SMARCA1: variants seen among roughly 807,000 people sequenced by gnomAD.
SMARCA1 encodes SNF2 related chromatin remodeling ATPase 1.
Under a neutral mutation model 93.6 loss-of-function variants are expected in SMARCA1, and 17 were observed. The observed-to-expected ratio is 0.18, with a 90% CI of 0.12 to 0.27. The LOEUF is 0.27. SMARCA1 is among the 10% of genes least tolerant of loss of function. The pLI is 1.00. For synonymous variants in SMARCA1, 271 were observed against 271.4 expected, an observed-to-expected ratio of 1.00 and a Z score of 0.01; for missense variants, 630 against 819.0, an observed-to-expected ratio of 0.77 and a Z score of 2.82.
Position 129,450,649 on chromosome X carries a change from A to G in SMARCA1, c.3031-2206T>C, listed in dbSNP as rs779338835. Among the ~76,000 whole-genome samples, 21 of 111,988 alleles carry G rather than the reference A, an allele frequency of 1.9e-4. 1 individual carries two copies. Among genetic ancestry groups the G allele is most frequent in the Admixed American group, 1.6e-3 (17 of 10,500 alleles). On this transcript the variant is annotated intron_variant, in intron 23 of 24. Coordinates refer to ENST00000371121, the MANE Select transcript of SMARCA1 (RefSeq NM_001282874.2). ...ACTAAAATTTTGGTAATCTGGAAAC[A>G]GAATACACAGACACGTATTATTATT...
intron 13 of SMARCA1, among the ~76,000 whole-genome samples, chrX:129,492,544 A>C (rs1348998764): frequency 9.0e-6 from 1 of 111,495 alleles, no homozygotes; most frequent in Admixed American, 9.6e-5. Context: ...AAGATCAACC[A>C]ACAGAGAAAA....
chrX:129,459,898 C>T (rs1266331918), intron 23 of SMARCA1, among the ~76,000 whole-genome samples: 1 of 111,846 alleles, frequency 8.9e-6, no homozygotes, highest in Admixed American at 9.5e-5. Flanking sequence ...GCCTGTGATC[C>T]TGATACTTTG....
In SMARCA1 at chrX:129,465,889, T is replaced by G. The variant is rs762605373; in HGVS notation, c.2772A>C (p.Ala924=). 2.5e-6 allele frequency: 3 copies of G among 1,187,908 alleles called. No individual in the cohort carries two copies. The South Asian group carries it at 5.8e-5, about 23-fold the overall frequency. ...TGATACTGATCCTTCGTTGAATTCTTGCTTCTCCACGTTCAATTTGAGCCA... is the reference window on the plus strand; with the variant it reads ...TGATACTGATCCTTCGTTGAATTCTGGCTTCTCCACGTTCAATTTGAGCCA... ...KIMAQIERGE[A]RIQRRISIKK... Residue 924 remains alanine, a synonymous_variant, in exon 22 of 25, where the codon GCA becomes GCC. Coordinates refer to ENST00000371121, the MANE Select transcript of SMARCA1 (RefSeq NM_001282874.2).
At chrX:129,502,355 A>T (rs1934601253) in intron 9 of SMARCA1, among the ~76,000 whole-genome samples, 1 of 111,799 alleles carries the variant, frequency 8.9e-6, no homozygotes, top group Non-Finnish European at 1.9e-5. Context: ...AAAGCCCACG[A>T]AAGGGACTGA....
At chrX:129,516,174 T>C (rs968030809) in intron 3 of SMARCA1, among the ~76,000 whole-genome samples, 157 bp downstream of exon 3, 6 of 112,070 alleles carry the variant, frequency 5.4e-5, no homozygotes, top group African/African-American at 1.6e-4. Flanking sequence ...AAAAATATAG[T>C]TGTCTTCAAA....
intron 9 of SMARCA1, 29 bp from the exon 10 acceptor site, chrX:129,499,870 T>TC: frequency 1.4e-6 from 1 of 723,692 alleles, no homozygotes. Context: ...TATAAAAGTT[T>TC]ATGAAACATT....
intron 9 of SMARCA1, among the ~76,000 whole-genome samples, chrX:129,500,060 C>T (rs2124300483): frequency 1.0e-5 from 1 of 97,495 alleles, no homozygotes; most frequent in African/African-American, 4.1e-5. Flanking sequence ...CTTCATGGCA[C>T]AAAATACATG....
chrX:129,489,857 C>A (rs1350332177), intron 15 of SMARCA1, among the ~76,000 whole-genome samples: 4 of 112,181 alleles, frequency 3.6e-5, no homozygotes, highest in Non-Finnish European at 7.5e-5. Context: ...CCTCACCCAG[C>A]CTCAATTAGC....
At position 129,501,642 on chromosome X, in the gene SMARCA1, T is replaced by G. The variant is rs187699919; in HGVS notation, c.1168-1801A>C. Among the ~76,000 whole-genome samples, 294 of 100,116 alleles carry G rather than the reference T, an allele frequency of 2.9e-3. 1 individual carries two copies. Among genetic ancestry groups the G allele is most frequent in the African/African-American group, 0.011 (278 of 26,338 alleles). The allele number at this position is 100,116 out of a possible 115,157, so 86.9% of individuals were successfully genotyped here. A position where few individuals can be genotyped will look rare whatever the true frequency, so the allele number is the denominator to read the frequency against. On this transcript the variant is annotated intron_variant, in intron 9 of 24. Coordinates refer to ENST00000371121, the MANE Select transcript of SMARCA1 (RefSeq NM_001282874.2). The stretch of plus-strand genomic sequence containing the variant: ...GGAGGTGGGGTGGAAGGGGACAGAG[T>G]CTCACTCTGTCACCAGGCTGAAATG...
At position 129,516,434 on chromosome X, in the gene SMARCA1, T is replaced by C. The variant is rs1263811474; in HGVS notation, c.325A>G (p.Ile109Val). ...LKQTELFAHF[I>V]QPSAQKSPTS... Reference sequence around the variant, plus strand: ...GGAGATTTCTGTGCTGAAGGCTGAATGAAATGTGCAAAAAGTTCTGTCTGC... The same window carrying C: ...GGAGATTTCTGTGCTGAAGGCTGAACGAAATGTGCAAAAAGTTCTGTCTGC... The change falls in exon 3 of 25, where the codon ATT becomes GTT. Residue 109 changes from isoleucine to valine, a missense_variant. Ile to Val is a conservative substitution (Grantham distance 29). Around this residue, in one of 4 missense-constraint regions of SMARCA1, gnomAD observed 382 missense variants for 537.9 expected, o/e 0.71. Coordinates refer to ENST00000371121, the MANE Select transcript of SMARCA1 (RefSeq NM_001282874.2). The C allele has an allele frequency of 8.3e-7, 1 of 1,208,048 alleles. No homozygotes were observed. The highest frequency in any genetic ancestry group is 1.1e-6 in the Non-Finnish European group (1 of 893,597).
rs1197731039 is a variant in SMARCA1 at position 129,447,037 on chromosome X, T to C, written c.*125A>G. The C allele has an allele frequency of 2.0e-6, 1 of 503,092 alleles. No individual in the cohort carries two copies. Among genetic ancestry groups the C allele is most frequent in the Non-Finnish European group, 3.2e-6 (1 of 309,536 alleles). The allele number at this position is 503,092 out of a possible 1,213,427, so 41.5% of individuals were successfully genotyped here. A position where few individuals can be genotyped will look rare whatever the true frequency, so the allele number is the denominator to read the frequency against. ...AAAGCATTGTAAAATATATAAAATA[T>C]GCAAGAAATCAAAACCAAAGAGATT... On this transcript the variant is annotated 3_prime_UTR_variant, in exon 25 of 25. Coordinates refer to ENST00000371121, the MANE Select transcript of SMARCA1 (RefSeq NM_001282874.2).
intron 24 of SMARCA1, among the ~76,000 whole-genome samples, 187 bp downstream of exon 24, chrX:129,448,146 T>C (rs1201803308): frequency 8.9e-6 from 1 of 111,826 alleles, no homozygotes; most frequent in Non-Finnish European, 1.9e-5. Context: ...TTCCTAACCA[T>C]ATGTTCTACA....
chrX:129,463,234 G>T (rs1477128927), intron 23 of SMARCA1, among the ~76,000 whole-genome samples: 1 of 111,551 alleles, frequency 9.0e-6, no homozygotes, highest in Non-Finnish European at 1.9e-5. Flanking sequence ...GCTGTTAGTG[G>T]TGCTCTAAAT....
intron 21 of SMARCA1, among the ~76,000 whole-genome samples, chrX:129,468,121 C>T (rs1395591626): frequency 8.9e-6 from 1 of 112,793 alleles, no homozygotes; most frequent in East Asian, 2.8e-4. Flanking sequence ...CACGCTTCAT[C>T]TGTATCCTTT....
Position 129,448,338 on chromosome X carries a change from G to C in SMARCA1, c.3136C>G (p.Pro1046Ala). 8.3e-7 allele frequency: 1 copy of C among 1,203,790 alleles called. No homozygotes were observed. The highest frequency in any genetic ancestry group is 3.0e-5 in the East Asian group (1 of 33,753). ...AEKKKRATKT[P>A]MSQKRKAESA... ...GAAAATGCTGAAAATTTTACCATTG[G>C]AGTTTTAGTTGCCCGTTTCTTCTTT... is the stretch of plus-strand genomic sequence containing the variant. Residue 1046 changes from proline to alanine, a missense_variant, in exon 24 of 25, where the codon CCA becomes GCA. Coordinates refer to ENST00000371121, the MANE Select transcript of SMARCA1 (RefSeq NM_001282874.2).
intron 17 of SMARCA1, among the ~76,000 whole-genome samples, chrX:129,486,633 C>A (rs1933898799): frequency 9.0e-6 from 1 of 110,956 alleles, no homozygotes; most frequent in Non-Finnish European, 1.9e-5. Context: ...CTATTATAAC[C>A]TCCATTTGAT....
chrX:129,470,303 C>T lies in SMARCA1; in HGVS notation c.2565+901G>A, dbSNP rs919097710. Among the ~76,000 whole-genome samples, 66 of 110,252 alleles carry T rather than the reference C, an allele frequency of 6.0e-4. 1 individual carries two copies. Among genetic ancestry groups the T allele is most frequent in the Non-Finnish European group, 2.3e-4 (12 of 52,836 alleles). ...TTTTAGAAGTAGAACACTCGTAAAACTCATGATAGCAATAATGACTTAAAA... is the reference window on the plus strand; with the variant it reads ...TTTTAGAAGTAGAACACTCGTAAAATTCATGATAGCAATAATGACTTAAAA... On this transcript the variant is annotated intron_variant, in intron 20 of 24. Coordinates refer to ENST00000371121, the MANE Select transcript of SMARCA1 (RefSeq NM_001282874.2).
intron 14 of SMARCA1, 88 bp downstream of exon 14, chrX:129,491,853 C>A: frequency 1.6e-6 from 1 of 633,497 alleles, no homozygotes. Flanking sequence ...AAATTGTTAC[C>A]TTTTTATCAT....
Position 129,469,051 on chromosome X carries a change from T to C in SMARCA1, c.2566-146A>G, listed in dbSNP as rs144842323. The C allele has an allele frequency of 5.7e-3, 2,028 of 355,089 alleles. 41 individuals are homozygous for C. Among genetic ancestry groups the C allele is most frequent in the African/African-American group, 0.05 (1,890 of 37,662 alleles). The allele number at this position is 355,089 out of a possible 1,213,427, so 29.3% of individuals were successfully genotyped here. On this transcript the variant is annotated intron_variant, in intron 20 of 24. Coordinates refer to ENST00000371121, the MANE Select transcript of SMARCA1 (RefSeq NM_001282874.2). ...CTTATAAAATTGCACATATTTTATG[T>C]TGGAATCAAAAGTTGAGTGAGAGTT...
Sources: allele counts gnomAD v4.1 joint callset (sites outside exome capture counted in the v4.1 genomes callset), GRCh38; gene constraint gnomAD v4.1.1; regional missense constraint gnomAD v4.1.1; transcripts MANE v1.5; gene names NCBI Gene and HGNC (gene_info 2026-07-23, HGNC 2026-07-21).